The following CSMD1 variants were observed in gnomAD, a reference collection of about 807,000 sequenced individuals.
CSMD1 encodes the protein CUB and sushi domain-containing protein 1.
CSMD1 carries 213 observed loss-of-function variants against 417.5 expected under a neutral mutation model. The observed-to-expected ratio is 0.51, with a 90% CI of 0.46 to 0.57. The LOEUF (loss-of-function observed/expected upper bound fraction) is 0.57, where lower values mean the gene tolerates loss of function less well. CSMD1 is among the 20% of genes least tolerant of loss of function. The probability of loss-of-function intolerance (pLI) is 0.00; values close to 1 mark genes in which losing one functional copy is unlikely to be tolerated. For synonymous variants in CSMD1, 2,862 were observed against 1,736.8 expected, an observed-to-expected ratio of 1.65 and a Z score of -16.11; for missense variants, 6,923 against 4,529.7, an observed-to-expected ratio of 1.53 and a Z score of -15.17.
chr8:4,835,526 G>A (rs1476463702), intron 1 of CSMD1, among the ~76,000 whole-genome samples: 1 of 152,154 alleles, frequency 6.6e-6, no homozygotes, highest in African/African-American at 2.4e-5. Flanking sequence ...AAATCCAGTG[G>A]ACAGTCAGCA....
chr8:4,397,964 T>C (rs1434544887), intron 3 of CSMD1, among the ~76,000 whole-genome samples: 1 of 152,216 alleles, frequency 6.6e-6, no homozygotes, highest in Non-Finnish European at 1.5e-5. Flanking sequence ...GTCATACACC[T>C]GCTACTGAAA....
chr8:3,899,844 T>C (rs936502164), intron 5 of CSMD1, among the ~76,000 whole-genome samples: 1 of 152,236 alleles, frequency 6.6e-6, no homozygotes, highest in Non-Finnish European at 1.5e-5. Flanking sequence ...TACTGTGTCC[T>C]GAAAATGTCC....
chr8:4,629,865 T>A (rs1012689818), intron 2 of CSMD1, among the ~76,000 whole-genome samples: 6 of 152,188 alleles, frequency 3.9e-5, no homozygotes, highest in Admixed American at 2.0e-4. Flanking sequence ...CTTGTTCTTC[T>A]GTTCCCTTTG....
At chr8:3,756,352 CAA>C (rs34120010) in intron 5 of CSMD1, among the ~76,000 whole-genome samples, 72,491 of 140,144 alleles carry the variant, frequency 0.52, 18,079 homozygotes, top group African/African-American at 0.57. Context: ...GACTCCATCT[CAA>C]AAAAAAAAAA....
chr8:4,794,915 T>C (rs1229638868), intron 1 of CSMD1, among the ~76,000 whole-genome samples: 3 of 151,722 alleles, frequency 2.0e-5, no homozygotes, highest in Admixed American at 1.3e-4. Flanking sequence ...CAGGAGTTGG[T>C]CATTTAGAAC....
chr8:4,305,041 C>A (rs1417319224), intron 3 of CSMD1, among the ~76,000 whole-genome samples: 2 of 152,178 alleles, frequency 1.3e-5, no homozygotes, highest in Non-Finnish European at 2.9e-5. Flanking sequence ...GTTAGAGTCC[C>A]TTTTCAACAC....
intron 5 of CSMD1, among the ~76,000 whole-genome samples, chr8:3,866,243 A>C (rs1176117040): frequency 1.3e-5 from 2 of 152,238 alleles, no homozygotes. Flanking sequence ...CAGATTTTGA[A>C]TACCATTTGT....
intron 1 of CSMD1, among the ~76,000 whole-genome samples, chr8:4,709,774 G>C (rs1257388500): frequency 6.6e-6 from 1 of 152,166 alleles, no homozygotes; most frequent in Admixed American, 6.5e-5. Flanking sequence ...ATGGCTCCCA[G>C]GGAGAAGTCA....
intron 1 of CSMD1, among the ~76,000 whole-genome samples, chr8:4,819,529 C>T (rs1327739581): frequency 6.6e-6 from 1 of 152,054 alleles, no homozygotes; most frequent in Non-Finnish European, 1.5e-5. Flanking sequence ...TTTATTTTCC[C>T]TTGTGTTAGA....
chr8:4,415,927 T>C (rs977692320), intron 3 of CSMD1, among the ~76,000 whole-genome samples: 8 of 152,210 alleles, frequency 5.3e-5, no homozygotes, highest in African/African-American at 1.7e-4. Context: ...ATGTGGATAA[T>C]TTCTGCTTTC....
intron 7 of CSMD1, among the ~76,000 whole-genome samples, chr8:3,647,387 A>AAC (rs1797629127): frequency 4.9e-5 from 1 of 20,418 alleles, no homozygotes; most frequent in Non-Finnish European, 8.8e-5. Context: ...CATAGAAAGA[A>AAC]ATATAAAGAG....
At chr8:4,147,856 G>T (rs866154980) in intron 3 of CSMD1, among the ~76,000 whole-genome samples, 3 of 152,188 alleles carry the variant, frequency 2.0e-5, no homozygotes, top group African/African-American at 2.4e-5. Context: ...GTCTGGAAAT[G>T]GTAGCTGAGC....
chr8:4,719,918 T>C (rs1808942054), intron 1 of CSMD1, among the ~76,000 whole-genome samples: 1 of 152,164 alleles, frequency 6.6e-6, no homozygotes, highest in Non-Finnish European at 1.5e-5. Context: ...TTTTTATTGA[T>C]TTTAACAGTT....
intron 26 of CSMD1, among the ~76,000 whole-genome samples, chr8:3,257,143 G>A (rs1476386418): frequency 2.0e-5 from 3 of 152,148 alleles, no homozygotes; most frequent in Non-Finnish European, 4.4e-5. Context: ...CCAACATGGT[G>A]AAACCCCATC....
At chr8:3,931,435 A>C (rs1006684489) in intron 5 of CSMD1, among the ~76,000 whole-genome samples, 3 of 150,506 alleles carry the variant, frequency 2.0e-5, no homozygotes, top group African/African-American at 7.4e-5. Flanking sequence ...AAAATCTTTC[A>C]ATCCATGGCT....
intron 1 of CSMD1, among the ~76,000 whole-genome samples, chr8:4,766,733 C>A (rs190359540): frequency 1.3e-5 from 2 of 152,328 alleles, no homozygotes; most frequent in East Asian, 3.9e-4. Flanking sequence ...CTCCACTAAT[C>A]CTACGGTGTT....
intron 2 of CSMD1, among the ~76,000 whole-genome samples, chr8:4,586,515 G>GA (rs1799707475): frequency 6.6e-6 from 1 of 152,144 alleles, no homozygotes. Context: ...ATGAGCCACA[G>GA]CTTGGCAATT....
chr8:4,395,891 A>G (rs371361827), intron 3 of CSMD1, among the ~76,000 whole-genome samples: 2 of 152,240 alleles, frequency 1.3e-5, no homozygotes, highest in African/African-American at 4.8e-5. Flanking sequence ...GTATCTAGAA[A>G]CACATATAAG....
intron 7 of CSMD1, among the ~76,000 whole-genome samples, chr8:3,620,109 G>T (rs1348682208): frequency 6.6e-6 from 1 of 151,782 alleles, no homozygotes; most frequent in African/African-American, 2.4e-5. Context: ...CTGAAGAAAA[G>T]AAGAAAAGAA....
Sources: gnomAD v4.1 joint callset for allele counts (sites outside exome capture counted in the v4.1 genomes callset) on GRCh38, gnomAD v4.1.1 for gene constraint, MANE v1.5 for transcripts, NCBI Gene and HGNC (gene_info 2026-07-23, HGNC 2026-07-21) for gene names.